Variants in VPS52 observed in about 807,000 individuals in gnomAD.
VPS52 encodes the protein VPS52 subunit of GARP complex.
A neutral mutation model predicts 98.7 loss-of-function variants in VPS52; 56 were observed. The observed-to-expected ratio is 0.57, with a 90% CI of 0.46 to 0.71. The LOEUF (loss-of-function observed/expected upper bound fraction) is 0.71. Ranked by LOEUF, VPS52 falls within the 30% of genes least tolerant of loss-of-function variation. The pLI is 0.00. For synonymous variants in VPS52, 348 were observed against 346.4 expected (o/e 1.00, Z -0.05); for missense variants, 742 against 925.9 (o/e 0.80, Z 2.58).
At chr6:33,253,690 G>C (rs965175748) in intron 17 of VPS52, among the ~76,000 whole-genome samples, 23 of 152,056 alleles carry the variant, frequency 1.5e-4, no homozygotes, top group Admixed American at 5.2e-4. Flanking sequence ...AGGAGTTCGA[G>C]GCTGCAGGGA....
chr6:33,270,311 G>C, intron 1 of VPS52, 28 bp from the exon 2 acceptor site: 1 of 1,587,126 alleles, frequency 6.3e-7, no homozygotes, highest in Non-Finnish European at 8.6e-7. Context: ...AATGGGAGTA[G>C]GGTACGGTGA....
chr6:33,270,423 G>C (rs1764876295), intron 1 of VPS52, 140 bp from the exon 2 acceptor site: 3 of 735,722 alleles, frequency 4.1e-6, no homozygotes, highest in Non-Finnish European at 6.6e-6. Context: ...AATTCTAAGA[G>C]TCTCACGTTG....
chr6:33,260,485 C>T (rs1262037720), intron 17 of VPS52, among the ~76,000 whole-genome samples: 1 of 151,892 alleles, frequency 6.6e-6, no homozygotes, highest in Admixed American at 6.6e-5. Flanking sequence ...ACAAACACAC[C>T]ACACAATCCA....
intron 17 of VPS52, among the ~76,000 whole-genome samples, chr6:33,252,481 C>T (rs1214104836): frequency 2.0e-5 from 3 of 150,622 alleles, no homozygotes; most frequent in Non-Finnish European, 4.4e-5. Flanking sequence ...CCCAGCTACT[C>T]GGGAGACTGA....
At chr6:33,256,463 CAAAAAAAAAAAAAAAAAAAAAAAAAAAAA>C (rs9280385) in intron 17 of VPS52, among the ~76,000 whole-genome samples, 2 of 83,748 alleles carry the variant, frequency 2.4e-5, no homozygotes, top group Admixed American at 1.3e-4. Context: ...AAACCTGTCT[CAAAAAAAAAAAAAAAAAAAAAAAAAAAAA>C]AAAAAAAAAA....
chr6:33,250,939 G>A lies in VPS52; in HGVS notation c.2074C>T (p.Leu692=). Residue 692 remains leucine (L), a synonymous_variant, in exon 20 of 20, where the codon CTG becomes TTG. Transcript: ENST00000445902. ...AGGGCTCGGAGCTGCGGCTGGGACA[G>A]CACCCGGTGGAAGCGATGATAGAGC... ...IQLYHRFHRV[L]SQPQLRALPA... is the part of the protein sequence containing the mutation. 6.2e-7 allele frequency: 1 copy of A among 1,613,094 alleles called. No individual in the cohort carries two copies. The highest frequency in any genetic ancestry group is 8.5e-7 in the Non-Finnish European group (1 of 1,180,032).
intron 17 of VPS52, among the ~76,000 whole-genome samples, chr6:33,253,293 C>T (rs1331091296): frequency 1.3e-5 from 2 of 151,878 alleles, no homozygotes; most frequent in African/African-American, 4.8e-5. Flanking sequence ...AGTTTGAGAC[C>T]AGCCTGGCCA....
intron 12 of VPS52, among the ~76,000 whole-genome samples, chr6:33,266,040 TTAG>T (rs1387522384): frequency 2.0e-5 from 3 of 151,980 alleles, no homozygotes; most frequent in Non-Finnish European, 4.4e-5. Flanking sequence ...TTTTGTACTG[TTAG>T]TAGAGACAGG....
intron 1 of VPS52, chr6:33,271,361 C>A (rs1174290726): frequency 2.8e-6 from 2 of 719,502 alleles, no homozygotes; most frequent in Non-Finnish European, 5.0e-6. Flanking sequence ...GTGACTCTAC[C>A]CCAAAATGTG....
chr6:33,264,885 A>G lies in VPS52; in HGVS notation c.1297T>C (p.Tyr433His). 1 of 1,612,928 alleles carries G rather than the reference A, an allele frequency of 6.2e-7. No homozygotes were observed. The highest frequency in any genetic ancestry group is 8.5e-7 in the Non-Finnish European group (1 of 1,179,878). ...ATGGCATCGTAGCAGTCAGCTAGAT[A>G]AGAATCCAGGTGTTTCTGTGTGATT... Reference protein sequence around the residue: ...LSMTLKHLDSYLADCYDAIAV... With the variant: ...LSMTLKHLDSHLADCYDAIAV... Residue 433 changes from tyrosine to histidine, a missense_variant, in exon 13 of 20, where the codon TAT becomes CAT. Around this residue, in one of 2 missense-constraint regions of VPS52, gnomAD observed 590 missense variants for 793.3 expected, o/e 0.74. Coordinates refer to ENST00000445902, the MANE Select transcript of VPS52 (RefSeq NM_022553.6).
Position 33,250,520 on chromosome 6 carries a change from T to G in VPS52, c.*321A>C. The G allele has an allele frequency of 6.4e-6, 2 of 310,602 alleles. No homozygotes were observed. The highest frequency in any genetic ancestry group is 1.2e-5 in the Non-Finnish European group (2 of 168,828). The allele number at this position is 310,602 out of a possible 1,614,324, so 19.2% of individuals were successfully genotyped here. On this transcript the variant is annotated 3_prime_UTR_variant, in exon 20 of 20. Coordinates refer to ENST00000445902, the MANE Select transcript of VPS52 (RefSeq NM_022553.6). The stretch of plus-strand genomic sequence containing the variant: ...AGTGAACCAGAGATTGAGGCAGTGG[T>G]TTTTACAGGGGAAGAAACAAGCCTT...
At position 33,264,110 on chromosome 6, in the gene VPS52, G is replaced by A; in HGVS notation, c.1525-7C>T. On this transcript the variant is annotated splice_polypyrimidine_tract_variant and splice_region_variant and intron_variant, in intron 14 of 19. Coordinates refer to ENST00000445902, the MANE Select transcript of VPS52 (RefSeq NM_022553.6). ...CTGCATAGCGGCGTGTGATCTAGGA[G>A]AGAGTGGGAAGGAAAATCACACCCA... 1 of 1,613,658 alleles carries A rather than the reference G, an allele frequency of 6.2e-7. No individual in the cohort carries two copies. Among genetic ancestry groups the A allele is most frequent in the Non-Finnish European group, 8.5e-7 (1 of 1,179,870 alleles).
In VPS52 at chr6:33,264,910, T is replaced by A. The variant is rs114441919; in HGVS notation, c.1282-10A>T. Reference sequence around the variant, plus strand: ...AAGAATCCAGGTGTTTCTGTGTGATTGGGGAACAAACAGAGGATTAAAAGA... The same window carrying A: ...AAGAATCCAGGTGTTTCTGTGTGATAGGGGAACAAACAGAGGATTAAAAGA... On this transcript the variant is annotated splice_polypyrimidine_tract_variant and intron_variant, in intron 12 of 19. Coordinates refer to ENST00000445902, the MANE Select transcript of VPS52 (RefSeq NM_022553.6). The A allele has an allele frequency of 3.9e-3, 6,227 of 1,599,286 alleles. 131 individuals carry two copies. Among genetic ancestry groups the A allele is most frequent in the African/African-American group, 0.036 (2,698 of 74,718 alleles).
At position 33,266,593 on chromosome 6, in the gene VPS52, G is replaced by A. The variant is rs140731765; in HGVS notation, c.1245C>T (p.Phe415=). The part of the protein sequence containing the change: ...VVSGPAAHDL[F]HAVMGRTLSM... ...TGAGTGTACGGCCCATGACAGCATG[G>A]AACAGGTCGTGTGCAGCTGGGCCAG... is the stretch of plus-strand genomic sequence containing the variant. Residue 415 remains phenylalanine (F), a synonymous_variant, in exon 12 of 20, where the codon TTC becomes TTT. Coordinates refer to ENST00000445902, the MANE Select transcript of VPS52 (RefSeq NM_022553.6). 193 of 1,612,454 alleles carry A rather than the reference G, an allele frequency of 1.2e-4. No individual in the cohort carries two copies. Among genetic ancestry groups the A allele is most frequent in the Non-Finnish European group, 1.4e-4 (167 of 1,179,748 alleles).
rs1762275489 is a variant in VPS52, at chr6:33,251,761, T to C, written c.1906+99A>G. The C allele has an allele frequency of 6.9e-6, 10 of 1,445,274 alleles. No individual in the cohort carries two copies. In the South Asian group the frequency reaches 1.2e-4, roughly 17 times the overall value. 89.5% of individuals were successfully genotyped at this position (1,445,274 alleles called of 1,614,324 possible). A position where few individuals can be genotyped will look rare whatever the true frequency, so the allele number is the denominator to read the frequency against. ...TTTCTGGTATTCTCTCAATCCAGTC[T>C]TTCATACTCTATTCCCCCACCATGT... On this transcript the variant is annotated intron_variant, in intron 18 of 19. Transcript: ENST00000445902.
chr6:33,260,554 C>A (rs1313958948), intron 17 of VPS52, among the ~76,000 whole-genome samples: 10 of 152,198 alleles, frequency 6.6e-5, no homozygotes, highest in Admixed American at 6.5e-4. Flanking sequence ...GAAACCATCC[C>A]TGTGCTTCTC....
At chr6:33,257,052 C>T (rs1309490015) in intron 17 of VPS52, among the ~76,000 whole-genome samples, 1 of 151,982 alleles carries the variant, frequency 6.6e-6, no homozygotes, top group Non-Finnish European at 1.5e-5. Context: ...TTTTTTGAGA[C>T]AGGGTCTCAC....
At chr6:33,269,229 T>C (rs1456742806) in intron 5 of VPS52, 40 bp from the exon 6 acceptor site, 1 of 1,607,506 alleles carries the variant, frequency 6.2e-7, no homozygotes. Flanking sequence ...CTATAGGGTT[T>C]GTAGGGGATA....
chr6:33,267,877 G>A lies in VPS52; in HGVS notation c.921C>T (p.Leu307=). The change falls in exon 9 of 20, where the codon CTC becomes CTT. Residue 307 remains leucine, a synonymous_variant. Coordinates refer to ENST00000445902, the MANE Select transcript of VPS52 (RefSeq NM_022553.6). The surrounding 1 kb of genome is among the most constrained non-coding windows in gnomAD (Gnocchi z 4.2). ...CTCCTGACCTTACCTGCACCTTCAT[G>A]AGCCGCCCCAGGTAAGAGCGGTAGT... ...LSYYRSYLGR[L]MKVQYEEVAE... The A allele has an allele frequency of 6.2e-7, 1 of 1,613,068 alleles. No homozygotes were observed. Among genetic ancestry groups the A allele is most frequent in the South Asian group, 1.1e-5 (1 of 91,082 alleles).
Sources: allele counts gnomAD v4.1 joint callset (sites outside exome capture counted in the v4.1 genomes callset), GRCh38; gene constraint gnomAD v4.1.1; regional missense constraint gnomAD v4.1.1; non-coding constraint Gnocchi (gnomAD v3.1); transcripts MANE v1.5; gene names NCBI Gene and HGNC (gene_info 2026-07-23, HGNC 2026-07-21).